SGK2: variants seen among roughly 807,000 people sequenced by gnomAD.
The protein encoded by SGK2 is serine/threonine-protein kinase Sgk2.
In SGK2, 36 loss-of-function variants were observed where a neutral mutation model predicts 47.5. The ratio of observed to expected loss-of-function variants is 0.76; its 90% CI spans 0.58 to 1.00. The LOEUF (loss-of-function observed/expected upper bound fraction) is 1.00. SGK2 is among the 50% of genes least tolerant of loss of function. The pLI is 0.00. For missense variants in SGK2, 404 were observed against 467.4 expected (o/e 0.86, Z 1.25); for synonymous variants, 157 against 181.9 (o/e 0.86, Z 1.10).
At position 43,567,547 on chromosome 20, in the gene SGK2, C is replaced by T. The variant is rs1293817189; in HGVS notation, c.87-118C>T. 3.3e-5 allele frequency: 30 copies of T among 911,328 alleles called. No homozygotes were observed. In the South Asian group the frequency reaches 4.4e-4, roughly 13 times the overall value. The allele number at this position is 911,328 out of a possible 1,614,324, so 56.5% of individuals were successfully genotyped here. ...TCTTCGGGGGTGAGGAGGCATGGCT[C>T]CTGGAAGGCTCTCTGTATTTCCCCA... On this transcript the variant is annotated intron_variant, in intron 3 of 12. Transcript: ENST00000373100.
In SGK2 at chr20:43,575,681, GCC is replaced by G. The variant is rs2145551428; in HGVS notation, c.694-541_694-540del. Among the ~76,000 whole-genome samples the G allele has an allele frequency of 1.3e-5, 2 of 150,590 alleles. 1 individual carries two copies. Among genetic ancestry groups the G allele is most frequent in the South Asian group, 4.2e-4 (2 of 4,742 alleles). ...CTTAGGTAGAGGCATGTGTAGATTT[GCC>G]CTAGGCCATGCTTTGCTTTGAAGTG... On this transcript the variant is annotated intron_variant, in intron 10 of 12. Coordinates refer to ENST00000373100, the MANE Select transcript of SGK2 (RefSeq NM_170693.3).
intron 10 of SGK2, 62 bp downstream of exon 10, chr20:43,575,066 G>A (rs1311512034): frequency 2.7e-6 from 3 of 1,108,058 alleles, no homozygotes; most frequent in Non-Finnish European, 4.1e-6. Context: ...TCTCTCATGT[G>A]GTCTACACAA....
chr20:43,567,050 A>G lies in SGK2; in HGVS notation c.37-18A>G. ...CAAGGAGTAGGGATCTGCTGATCAT[A>G]ATCACTTCTTTCTTTAGCCCTCCAG... On this transcript the variant is annotated intron_variant, in intron 2 of 12. Transcript: ENST00000373100. 2 of 1,611,510 alleles carry G rather than the reference A, an allele frequency of 1.2e-6. No homozygotes were observed. Among genetic ancestry groups the G allele is most frequent in the Non-Finnish European group, 1.7e-6 (2 of 1,177,700 alleles).
rs548976001 is a variant in SGK2 at position 43,566,920 on chromosome 20, C to T, written c.37-148C>T. ...AGAAGGAGGGAGGGAGGGAGGGAGG[C>T]GGGCAGGCGGGCAGGTGAAAAAAAA... On this transcript the variant is annotated intron_variant, in intron 2 of 12. Coordinates refer to ENST00000373100, the MANE Select transcript of SGK2 (RefSeq NM_170693.3). 4.6e-4 allele frequency: 244 copies of T among 529,708 alleles called. 1 individual carries two copies. The South Asian group carries it at 4.7e-3, about 10-fold the overall frequency. The allele number at this position is 529,708 out of a possible 1,614,324, so 32.8% of individuals were successfully genotyped here.
At chr20:43,571,421 A>G (rs909802803) in intron 8 of SGK2, among the ~76,000 whole-genome samples, 2 of 152,162 alleles carry the variant, frequency 1.3e-5, no homozygotes, top group African/African-American at 2.4e-5. Flanking sequence ...TTAAAGGGGT[A>G]AAAAAACAGG....
chr20:43,568,286 C>T (rs1408120805), intron 5 of SGK2, among the ~76,000 whole-genome samples: 4 of 152,218 alleles, frequency 2.6e-5, no homozygotes, highest in Non-Finnish European at 5.9e-5. Context: ...AAGTGCCAGG[C>T]TCCCCATCTG....
At chr20:43,573,227 G>A (rs772249852) in intron 9 of SGK2, among the ~76,000 whole-genome samples, 5 of 152,208 alleles carry the variant, frequency 3.3e-5, no homozygotes, top group East Asian at 1.9e-4. Flanking sequence ...GGTGGCTCAC[G>A]CCTGTAATCT....
rs1304306746 is a variant in SGK2, at chr20:43,569,454, C to T, written c.298C>T (p.Arg100Cys). The change falls in exon 6 of 13, where the codon CGC becomes TGC. Residue 100 changes from arginine (R) to cysteine (C), a missense_variant. Coordinates refer to ENST00000373100, the MANE Select transcript of SGK2 (RefSeq NM_170693.3). ...NVRHPFLVGL[R>C]YSFQTPEKLY... ...GCGGCACCCCTTCCTCGTGGGCCTG[C>T]GCTACTCCTTCCAGACACCTGAGAA... 5.0e-6 allele frequency: 8 copies of T among 1,613,828 alleles called. No individual in the cohort carries two copies. Among genetic ancestry groups the T allele is most frequent in the Middle Eastern group, 1.6e-4 (1 of 6,062 alleles).
At chr20:43,569,310 C>G (rs1404090938) in intron 5 of SGK2, 75 bp from the exon 6 acceptor site, 18 of 1,571,290 alleles carry the variant, frequency 1.1e-5, no homozygotes, top group South Asian at 2.3e-5. Context: ...CACCCACAAG[C>G]TTATATGGGC....
intron 1 of SGK2, 166 bp from the exon 2 acceptor site, chr20:43,566,307 G>A (rs1349088433): frequency 6.3e-7 from 1 of 1,600,000 alleles, no homozygotes; most frequent in Non-Finnish European, 8.5e-7. Context: ...ATCATTTCTT[G>A]TTCCATCCAT....
rs8126040 is a variant in SGK2, at chr20:43,580,103, G to C, written c.939+42G>C. On this transcript the variant is annotated intron_variant, in intron 12 of 12. Transcript: ENST00000373100. The stretch of plus-strand genomic sequence containing the variant: ...TTCTAGACTCTGGATTTCCGGGGCT[G>C]GGGGAGCTTGCTATGCTTGCCAACT... 3.8e-6 allele frequency: 5 copies of C among 1,314,684 alleles called. No homozygotes were observed. The Admixed American group carries it at 1.1e-4, about 29-fold the overall frequency. The allele number at this position is 1,314,684 out of a possible 1,614,324, so 81.4% of individuals were successfully genotyped here.
chr20:43,583,301 A>G, intron 12 of SGK2: 1 of 1,289,444 alleles, frequency 7.8e-7, no homozygotes. Context: ...CTAGGCAGAG[A>G]TGAATGGACT....
chr20:43,560,829 A>C (rs1979338148), intron 1 of SGK2, among the ~76,000 whole-genome samples: 1 of 152,210 alleles, frequency 6.6e-6, no homozygotes, highest in African/African-American at 2.4e-5. Context: ...GGCATCTACT[A>C]TATTCCAGGC....
rs986465818 is a variant in SGK2, at chr20:43,572,375, A to G, written c.597+238A>G. Among the ~76,000 whole-genome samples, 1 of 152,202 alleles carries G rather than the reference A, an allele frequency of 6.6e-6. No homozygotes were observed. The highest frequency in any genetic ancestry group is 1.5e-5 in the Non-Finnish European group (1 of 68,036). ...GCTCTACTGCAGTGCTATCCAGTAG[A>G]AATAGAAATAGAAACGCAGGCTGGG... On this transcript the variant is annotated intron_variant, in intron 9 of 12. Coordinates refer to ENST00000373100, the MANE Select transcript of SGK2 (RefSeq NM_170693.3). This position sits in a 1 kb window ranked among gnomAD's most constrained non-coding sequence, Gnocchi z 4.2.
intron 8 of SGK2, 64 bp from the exon 9 acceptor site, chr20:43,571,987 G>T (rs1327072706): frequency 4.1e-6 from 5 of 1,207,088 alleles, no homozygotes; most frequent in Non-Finnish European, 6.0e-6. Context: ...GGGCTTTGGG[G>T]GTTAGGCCTG....
At position 43,574,953 on chromosome 20, in the gene SGK2, A is replaced by G; in HGVS notation, c.642A>G (p.Ala214=). 1 of 1,613,850 alleles carries G rather than the reference A, an allele frequency of 6.2e-7. No individual in the cohort carries two copies. Among genetic ancestry groups the G allele is most frequent in the Non-Finnish European group, 8.5e-7 (1 of 1,179,832 alleles). The change falls in exon 10 of 13, where the codon GCA becomes GCG. Residue 214 remains alanine, a synonymous_variant. Coordinates refer to ENST00000373100, the MANE Select transcript of SGK2 (RefSeq NM_170693.3). ...EVLRKEPYDR[A]VDWWCLGAVL... is the part of the protein sequence containing the mutation. ...TTCGGAAAGAGCCTTATGATCGAGCAGTGGACTGGTGGTGCTTGGGGGCAG... is the reference window on the plus strand; with the variant it reads ...TTCGGAAAGAGCCTTATGATCGAGCGGTGGACTGGTGGTGCTTGGGGGCAG...
chr20:43,559,132 G>A lies in SGK2; in HGVS notation c.-51G>A, dbSNP rs1367628465. 6.6e-6 allele frequency: 1 copy of A among 152,310 alleles called. No individual in the cohort carries two copies. Among genetic ancestry groups the A allele is most frequent in the Admixed American group, 6.5e-5 (1 of 15,284 alleles). 9.4% of individuals were successfully genotyped at this position (152,310 alleles called of 1,614,324 possible). On this transcript the variant is annotated 5_prime_UTR_variant, in exon 1 of 13. Transcript: ENST00000373100. ...AGCCGTGCATGGGGCTGCTCCCCAG[G>A]ACCTGAGCAGGAACCTGGAGTTTTC...
chr20:43,559,642 G>C (rs6030956), intron 1 of SGK2, among the ~76,000 whole-genome samples: 1 of 152,178 alleles, frequency 6.6e-6, no homozygotes, highest in East Asian at 1.9e-4. Context: ...CTGGGCAGGC[G>C]TGTAAATGAA....
chr20:43,571,640 G>C (rs1372277797), intron 8 of SGK2, among the ~76,000 whole-genome samples: 1 of 152,162 alleles, frequency 6.6e-6, no homozygotes, highest in Non-Finnish European at 1.5e-5. Context: ...GCAGCAGGGG[G>C]ATGGGGATAG....
Sources: gnomAD v4.1 joint callset for allele counts (sites outside exome capture counted in the v4.1 genomes callset) on GRCh38, gnomAD v4.1.1 for gene constraint, Gnocchi (gnomAD v3.1) non-coding constraint, MANE v1.5 for transcripts, NCBI Gene and HGNC (gene_info 2026-07-23, HGNC 2026-07-21) for gene names.